Variants in CLASRP observed in about 807,000 individuals in gnomAD.
The protein encoded by CLASRP is CLK4-associating serine/arginine rich protein.
Under a neutral mutation model 99.9 loss-of-function variants are expected in CLASRP, and 52 were observed. The ratio of observed to expected loss-of-function variants is 0.52; its 90% CI spans 0.42 to 0.66. The LOEUF is 0.66. CLASRP is among the 30% of genes least tolerant of loss of function. CLASRP has a pLI of 0.00. For synonymous variants in CLASRP, 379 were observed against 373.0 expected (o/e 1.02, Z -0.18); for missense variants, 848 against 999.2 (o/e 0.85, Z 2.04).
intron 5 of CLASRP, among the ~76,000 whole-genome samples, chr19:45,055,498 C>T (rs1054416038): frequency 6.6e-6 from 1 of 152,208 alleles, no homozygotes; most frequent in South Asian, 2.1e-4. Context: ...GTGCTACATC[C>T]CCTTCTGGCC....
rs1421199760 is a variant in CLASRP at position 45,070,570 on chromosome 19, G to A, written c.1982+9G>A. The A allele has an allele frequency of 1.9e-6, 3 of 1,612,550 alleles. No homozygotes were observed. The highest frequency in any genetic ancestry group is 2.5e-6 in the Non-Finnish European group (3 of 1,178,588). On this transcript the variant is annotated intron_variant, in intron 20 of 20. Transcript: ENST00000221455. ...TACAGCTCTTCTCGAAGGTAAGGAAGCCCATGACCCTCCACTTTCTTGGAA... is the reference window on the plus strand; with the variant it reads ...TACAGCTCTTCTCGAAGGTAAGGAAACCCATGACCCTCCACTTTCTTGGAA...
At chr19:45,062,058 C>G in intron 10 of CLASRP, 96 bp from the exon 11 acceptor site, 1 of 817,006 alleles carries the variant, frequency 1.2e-6, no homozygotes. Flanking sequence ...TGCCAGGTAC[C>G]TAGCTTTGGG....
At chr19:45,070,651 G>A (rs1967219659) in intron 20 of CLASRP, 90 bp downstream of exon 20, 2 of 1,366,564 alleles carry the variant, frequency 1.5e-6, no homozygotes, top group Admixed American at 1.7e-5. Flanking sequence ...GCCTCACCCT[G>A]TACCCACCTC....
In CLASRP at chr19:45,052,173, G is replaced by A; in HGVS notation, c.197+5G>A. On this transcript the variant is annotated splice_donor_5th_base_variant and intron_variant, in intron 3 of 20. Coordinates refer to ENST00000221455, the MANE Select transcript of CLASRP (RefSeq NM_007056.3). ...CGCTGAGAGCCCTGTTAATATGTAA[G>A]ACTGATATGGAAGGCAGGGGAGTGT... 6.2e-7 allele frequency: 1 copy of A among 1,612,366 alleles called. No individual in the cohort carries two copies. The highest frequency in any genetic ancestry group is 8.5e-7 in the Non-Finnish European group (1 of 1,178,596).
chr19:45,058,002 C>A, intron 7 of CLASRP, 104 bp downstream of exon 7: 1 of 1,445,382 alleles, frequency 6.9e-7, no homozygotes, highest in Non-Finnish European at 9.4e-7. Flanking sequence ...AACCGTGTCT[C>A]TCTCCCTACC....
In CLASRP at chr19:45,060,482, G is replaced by A. The variant is rs1242332197; in HGVS notation, c.789+15G>A. ...CCATGTACTCGGTGAGGTCTGGGCT[G>A]GAGTGGAAGGGGACAGGGGTGTGTC... On this transcript the variant is annotated intron_variant, in intron 9 of 20. Transcript: ENST00000221455. This position sits in a 1 kb window ranked among gnomAD's most constrained non-coding sequence, Gnocchi z 4.6. 1 of 1,614,052 alleles carries A rather than the reference G, an allele frequency of 6.2e-7. No homozygotes were observed. The highest frequency in any genetic ancestry group is 8.5e-7 in the Non-Finnish European group (1 of 1,179,874).
At chr19:45,052,196 T>A in intron 3 of CLASRP, 28 bp downstream of exon 3, 1 of 1,600,118 alleles carries the variant, frequency 6.2e-7, no homozygotes, top group Non-Finnish European at 8.6e-7. Flanking sequence ...GGCAGGGGAG[T>A]GTCTGAAGTC....
chr19:45,068,120 G>A (rs1967135040), intron 15 of CLASRP, 66 bp downstream of exon 15: 52 of 1,510,688 alleles, frequency 3.4e-5, no homozygotes, highest in Non-Finnish European at 4.5e-5. Context: ...AGCTGGGCCC[G>A]GTGGGCCTGC....
chr19:45,048,449 C>T (rs1305762870), intron 2 of CLASRP, among the ~76,000 whole-genome samples: 1 of 150,756 alleles, frequency 6.6e-6, no homozygotes, highest in Non-Finnish European at 1.5e-5. Context: ...TCGCTTGAAC[C>T]TGGGAGGCGG....
At position 45,060,517 on chromosome 19, in the gene CLASRP, G is replaced by C; in HGVS notation, c.790-37G>C. The C allele has an allele frequency of 6.2e-7, 1 of 1,612,534 alleles. No individual in the cohort carries two copies. The highest frequency in any genetic ancestry group is 8.5e-7 in the Non-Finnish European group (1 of 1,178,636). The stretch of plus-strand genomic sequence containing the variant: ...GGGACAGGGGTGTGTCACAGGGAGG[G>C]CACCCCCTCACCAACCTGGCACCCA... On this transcript the variant is annotated intron_variant, in intron 9 of 20. Coordinates refer to ENST00000221455, the MANE Select transcript of CLASRP (RefSeq NM_007056.3). The surrounding 1 kb of genome is among the most constrained non-coding windows in gnomAD (Gnocchi z 4.6).
rs539697426 is a variant in CLASRP, at chr19:45,070,448, A to G, written c.1958-89A>G. 3.4e-5 allele frequency: 39 copies of G among 1,158,934 alleles called. No homozygotes were observed. In the South Asian group the frequency reaches 4.4e-4, roughly 13 times the overall value. 71.8% of individuals were successfully genotyped at this position (1,158,934 alleles called of 1,614,324 possible). On this transcript the variant is annotated intron_variant, in intron 19 of 20. Transcript: ENST00000221455. ...CCCCTCATTTGGAGACAACCCCTGA[A>G]GTTCAGTTTTGAGGACCTCACCCCA...
chr19:45,064,621 G>A lies in CLASRP; in HGVS notation c.1400G>A (p.Arg467His), dbSNP rs765397374. 6.4e-7 allele frequency: 1 copy of A among 1,551,100 alleles called. No homozygotes were observed. The highest frequency in any genetic ancestry group is 1.2e-5 in the South Asian group (1 of 84,922). The change falls in exon 13 of 21, where the codon CGC becomes CAC. Residue 467 changes from arginine (R) to histidine (H), a missense_variant. Around this residue, in one of 8 missense-constraint regions of CLASRP, gnomAD observed 489 missense variants for 434.7 expected, o/e 1.12. Transcript: ENST00000221455. Reference sequence around the variant, plus strand: ...CGGCGTGGTGGTTACGGGCCCCGGCGCAGAAGCAGGTGTGTGTGGCTGGGC... The same window carrying A: ...CGGCGTGGTGGTTACGGGCCCCGGCACAGAAGCAGGTGTGTGTGGCTGGGC... ...PARRGGYGPRRRSRSRSHSGD... is the reference protein window; with the variant it reads ...PARRGGYGPRHRSRSRSHSGD...
intron 1 of CLASRP, chr19:45,039,929 T>C: frequency 3.4e-6 from 1 of 294,980 alleles, no homozygotes; most frequent in Non-Finnish European, 6.7e-6. Flanking sequence ...GCGTGGAATC[T>C]AGGACACCCC....
rs755232335 is a variant in CLASRP at position 45,064,304 on chromosome 19, C to T, written c.1122-39C>T. ...CCCGGGGCAGAGGGGGGCCGCGGCTCAGGCCTGCGCTGACCGGCCCTCCGT... is the reference window on the plus strand; with the variant it reads ...CCCGGGGCAGAGGGGGGCCGCGGCTTAGGCCTGCGCTGACCGGCCCTCCGT... On this transcript the variant is annotated intron_variant, in intron 12 of 20. Coordinates refer to ENST00000221455, the MANE Select transcript of CLASRP (RefSeq NM_007056.3). 13 of 1,503,940 alleles carry T rather than the reference C, an allele frequency of 8.6e-6. No homozygotes were observed. In the Admixed American group the frequency reaches 2.7e-4, roughly 32 times the overall value. 93.2% of individuals were successfully genotyped at this position (1,503,940 alleles called of 1,614,324 possible).
At chr19:45,043,268 T>TG (rs1339611985) in intron 2 of CLASRP, among the ~76,000 whole-genome samples, 1 of 148,852 alleles carries the variant, frequency 6.7e-6, no homozygotes, top group Non-Finnish European at 1.5e-5. Context: ...AAAAATTAGC[T>TG]GGGCGTGGTG....
At chr19:45,053,049 G>A in intron 4 of CLASRP, 49 bp from the exon 5 acceptor site, 3 of 1,604,544 alleles carry the variant, frequency 1.9e-6, no homozygotes, top group Non-Finnish European at 2.6e-6. Context: ...TGGCTTGGGG[G>A]GGGATCCACT....
intron 3 of CLASRP, among the ~76,000 whole-genome samples, chr19:45,052,536 G>A (rs1006375872): frequency 6.6e-6 from 1 of 152,120 alleles, no homozygotes; most frequent in Admixed American, 6.5e-5. Context: ...TTGGTTGTGA[G>A]AAATGGGGCC....
chr19:45,070,804 C>A lies in CLASRP; in HGVS notation c.1984C>A (p.Arg662Ser). The A allele has an allele frequency of 1.2e-6, 2 of 1,610,772 alleles. No homozygotes were observed. Among genetic ancestry groups the A allele is most frequent in the East Asian group, 2.2e-5 (1 of 44,848 alleles). ...YSREYSSSRRRSRSRSRSPHY... is the reference protein window; with the variant it reads ...YSREYSSSRRSSRSRSRSPHY... ...CGGCCCCTCCCTTTCTCTTTCCAGG[C>A]GCTCAAGGTCCCGATCCCGAAGCCC... The change falls in exon 21 of 21, where the codon CGC becomes AGC. Residue 662 changes from arginine to serine, a missense_variant and splice_region_variant. Coordinates refer to ENST00000221455, the MANE Select transcript of CLASRP (RefSeq NM_007056.3).
In CLASRP at chr19:45,064,571, A is replaced by G; in HGVS notation, c.1350A>G (p.Gly450=). 1 of 1,541,358 alleles carries G rather than the reference A, an allele frequency of 6.5e-7. No individual in the cohort carries two copies. The highest frequency in any genetic ancestry group is 2.4e-5 in the East Asian group (1 of 41,092). ...RRHSGGGSRD[G]HRYSRSPARR... ...ACTCAGGTGGGGGCTCCCGAGACGG[A>G]CACCGGTACTCCCGCTCGCCCGCCC... The change falls in exon 13 of 21, where the codon GGA becomes GGG. Residue 450 remains glycine (G), a synonymous_variant. Transcript: ENST00000221455.
Sources: allele counts gnomAD v4.1 joint callset (sites outside exome capture counted in the v4.1 genomes callset), GRCh38; gene constraint gnomAD v4.1.1; regional missense constraint gnomAD v4.1.1; non-coding constraint Gnocchi (gnomAD v3.1); transcripts MANE v1.5; gene names NCBI Gene and HGNC (gene_info 2026-07-23, HGNC 2026-07-21).